The following NOL4 variants were observed in gnomAD, a reference collection of about 807,000 sequenced individuals.
The protein encoded by NOL4 is nucleolar protein 4.
A neutral mutation model predicts 75.9 loss-of-function variants in NOL4; 17 were observed. The ratio of observed to expected loss-of-function variants is 0.22; its 90% CI spans 0.15 to 0.34. The LOEUF is 0.34. Ranked by LOEUF, NOL4 falls within the 10% of genes least tolerant of loss-of-function variation. The pLI, the probability that NOL4 is intolerant of heterozygous loss-of-function variation, is 1.00. For missense variants in NOL4, 614 were observed against 793.5 expected, an observed-to-expected ratio of 0.77 and a Z score of 2.72; for synonymous variants, 292 against 289.9, an observed-to-expected ratio of 1.01 and a Z score of -0.07.
At chr18:33,930,386 T>C (rs953906145) in intron 9 of NOL4, among the ~76,000 whole-genome samples, 1 of 152,148 alleles carries the variant, frequency 6.6e-6, no homozygotes, top group African/African-American at 2.4e-5. Context: ...ATTTTTGTAA[T>C]CACATTTCTC....
chr18:33,917,536 C>T (rs1370569202), intron 9 of NOL4, among the ~76,000 whole-genome samples: 5 of 152,142 alleles, frequency 3.3e-5, no homozygotes, highest in Middle Eastern at 3.4e-3. Context: ...CTCACTGTTG[C>T]CCTTGTTGGA....
chr18:34,025,301 G>T (rs1020587944), intron 5 of NOL4, among the ~76,000 whole-genome samples: 2 of 152,108 alleles, frequency 1.3e-5, no homozygotes, highest in Non-Finnish European at 2.9e-5. Context: ...TGGGGGAAAA[G>T]GATAAACTTA....
Position 33,991,150 on chromosome 18 carries a change from C to T in NOL4, c.1056+28168G>A, listed in dbSNP as rs79541676. ...CCTTAAGCATCCTCTCACCGATATC[C>T]ACAACTAGCTTACCCCTCCACCTCT... On this transcript the variant is annotated intron_variant, in intron 6 of 10. Transcript: ENST00000261592. Among the ~76,000 whole-genome samples the T allele has an allele frequency of 2.3e-3, 348 of 151,938 alleles. 3 individuals are homozygous for T. The highest frequency in any genetic ancestry group is 0.018 in the Admixed American group (267 of 15,226).
chr18:33,907,323 C>CAAA (rs35702916), intron 9 of NOL4, among the ~76,000 whole-genome samples: 19 of 79,714 alleles, frequency 2.4e-4, no homozygotes, highest in African/African-American at 7.4e-4. Context: ...GACTCCATTT[C>CAAA]AAAAAAAAAA....
chr18:34,222,132 TG>T, intron 1 of NOL4: 1 of 1,532,018 alleles, frequency 6.5e-7, no homozygotes, highest in Non-Finnish European at 8.7e-7. Flanking sequence ...CCAGCCCCAC[TG>T]GCTTCTGCAG....
intron 4 of NOL4, among the ~76,000 whole-genome samples, chr18:34,100,040 CTTT>C (rs34923263): frequency 1.6e-4 from 23 of 144,028 alleles, no homozygotes; most frequent in Admixed American, 4.9e-4. Flanking sequence ...CTTAGTCTTG[CTTT>C]TTTTTTTTTT....
chr18:33,876,967 T>C (rs961378233), intron 10 of NOL4, among the ~76,000 whole-genome samples: 3 of 152,058 alleles, frequency 2.0e-5, no homozygotes, highest in African/African-American at 4.8e-5. Flanking sequence ...CTAGACAAAT[T>C]CTCTTTGGTT....
intron 2 of NOL4, among the ~76,000 whole-genome samples, chr18:34,125,754 A>T (rs1029091816): frequency 1.5e-4 from 23 of 150,544 alleles, no homozygotes; most frequent in East Asian, 5.8e-4. Flanking sequence ...GCATTTTTTT[A>T]AAAAAAGAGA....
At chr18:34,145,770 G>GT (rs1353669369) in intron 1 of NOL4, among the ~76,000 whole-genome samples, 1 of 151,850 alleles carries the variant, frequency 6.6e-6, no homozygotes, top group Non-Finnish European at 1.5e-5. Context: ...CAAAAAATTT[G>GT]TTTCTGTGAA....
chr18:34,042,233 G>A (rs1001329956), intron 5 of NOL4, among the ~76,000 whole-genome samples: 12 of 151,832 alleles, frequency 7.9e-5, no homozygotes, highest in African/African-American at 2.9e-4. Context: ...TTTGAATAAG[G>A]CTACATACAC....
At chr18:34,162,312 A>C (rs1362179207) in intron 1 of NOL4, among the ~76,000 whole-genome samples, 1 of 152,226 alleles carries the variant, frequency 6.6e-6, no homozygotes, top group Admixed American at 6.5e-5. Flanking sequence ...GGTTTTTTGA[A>C]AGGATCAACA....
At chr18:34,042,772 C>T (rs1271581890) in intron 5 of NOL4, among the ~76,000 whole-genome samples, 1 of 152,048 alleles carries the variant, frequency 6.6e-6, no homozygotes, top group African/African-American at 2.4e-5. Flanking sequence ...AAAGCCTTCC[C>T]AGACGATCAC....
intron 1 of NOL4, among the ~76,000 whole-genome samples, chr18:34,192,643 C>T (rs901067518): frequency 1.6e-4 from 24 of 152,160 alleles, no homozygotes; most frequent in Non-Finnish European, 5.9e-5. Context: ...GGTATTGGGA[C>T]AACTTGATAT....
chr18:34,190,455 A>G (rs1389922440), intron 1 of NOL4, among the ~76,000 whole-genome samples: 1 of 152,006 alleles, frequency 6.6e-6, no homozygotes, highest in African/African-American at 2.4e-5. Context: ...TTAACATTGT[A>G]TTATGTTTAT....
intron 4 of NOL4, among the ~76,000 whole-genome samples, chr18:34,101,457 A>G (rs1046510167): frequency 6.6e-6 from 1 of 152,100 alleles, no homozygotes; most frequent in Non-Finnish European, 1.5e-5. Context: ...TTATCACACC[A>G]CAGTTAATAA....
intron 1 of NOL4, among the ~76,000 whole-genome samples, chr18:34,172,709 T>G (rs2033164497): frequency 1.3e-5 from 2 of 152,158 alleles, no homozygotes; most frequent in Non-Finnish European, 2.9e-5. Context: ...ATAGCCATCT[T>G]AACAGGTATG....
chr18:33,988,543 C>A (rs147369511), intron 6 of NOL4, among the ~76,000 whole-genome samples: 2 of 152,178 alleles, frequency 1.3e-5, no homozygotes, highest in African/African-American at 2.4e-5. Flanking sequence ...GCATGAGATT[C>A]TTTGTGGACT....
chr18:34,130,125 T>G, intron 1 of NOL4, 105 bp from the exon 2 acceptor site: 1 of 1,113,726 alleles, frequency 9.0e-7, no homozygotes, highest in African/African-American at 1.6e-5. Flanking sequence ...CTCAACAAAA[T>G]CATCTATATA....
intron 1 of NOL4, among the ~76,000 whole-genome samples, chr18:34,174,973 T>C (rs562225932): frequency 1.3e-5 from 2 of 152,320 alleles, no homozygotes; most frequent in South Asian, 2.1e-4. Context: ...TTGTGAATCA[T>C]TGTGGCAACT....
Sources: allele counts gnomAD v4.1 joint callset (sites outside exome capture counted in the v4.1 genomes callset), GRCh38; gene constraint gnomAD v4.1.1; transcripts MANE v1.5; gene names NCBI Gene and HGNC (gene_info 2026-07-23, HGNC 2026-07-21).